Variants in MGAT4C observed in about 807,000 individuals in gnomAD.
MGAT4C encodes the protein MGAT4 family member C, also known as alpha-1,3-mannosyl-glycoprotein 4-beta-N-acetylglucosaminyltransferase C.
In MGAT4C, 19 loss-of-function variants were observed where a neutral mutation model predicts 40.1. The observed-to-expected ratio is 0.47, with a 90% CI of 0.33 to 0.70. MGAT4C has a LOEUF of 0.70. MGAT4C is among the 30% of genes least tolerant of loss of function. The probability of loss-of-function intolerance (pLI) is 0.02; values close to 1 mark genes in which losing one functional copy is unlikely to be tolerated. For missense variants in MGAT4C, 491 were observed against 563.2 expected, an observed-to-expected ratio of 0.87 and a Z score of 1.30; for synonymous variants, 181 against 187.1, an observed-to-expected ratio of 0.97 and a Z score of 0.27.
chr12:86,296,224 G>A (rs1361436140), intron 4 of MGAT4C, among the ~76,000 whole-genome samples: 1 of 151,914 alleles, frequency 6.6e-6, no homozygotes, highest in East Asian at 1.9e-4. Flanking sequence ...GTGTCGATTG[G>A]TGCACTCACA....
At chr12:86,062,013 C>T (rs1475795218) in intron 1 of MGAT4C, among the ~76,000 whole-genome samples, 1 of 152,192 alleles carries the variant, frequency 6.6e-6, no homozygotes, top group Non-Finnish European at 1.5e-5. Context: ...CAGCACAGCA[C>T]TCCAGCTCTG....
chr12:86,219,066 G>C (rs1950778962), intron 1 of MGAT4C, among the ~76,000 whole-genome samples: 1 of 152,110 alleles, frequency 6.6e-6, no homozygotes, highest in Non-Finnish European at 1.5e-5. Context: ...TGTAGTCCCA[G>C]CTACTCCGGA....
chr12:86,326,037 G>A (rs996566623), intron 4 of MGAT4C, among the ~76,000 whole-genome samples: 1 of 151,926 alleles, frequency 6.6e-6, no homozygotes, highest in African/African-American at 2.4e-5. Context: ...ATGTAACTGT[G>A]AGCAAATTAT....
chr12:86,360,510 A>G (rs1955438339), intron 3 of MGAT4C, among the ~76,000 whole-genome samples: 1 of 152,180 alleles, frequency 6.6e-6, no homozygotes, highest in African/African-American at 2.4e-5. Context: ...AGAAAGAAAT[A>G]AAGGGTATTC....
At chr12:86,614,648 A>T (rs116173350) in intron 2 of MGAT4C, among the ~76,000 whole-genome samples, 6,240 of 150,846 alleles carry the variant, frequency 0.041, 151 homozygotes, top group Non-Finnish European at 0.049. Context: ...TATTTGCAAA[A>T]ATATATATAT....
chr12:86,057,887 T>C (rs1893560329), intron 1 of MGAT4C, among the ~76,000 whole-genome samples: 1 of 152,196 alleles, frequency 6.6e-6, no homozygotes, highest in Non-Finnish European at 1.5e-5. Context: ...TTGACTTCTA[T>C]ACACTGCTAT....
chr12:86,150,188 C>T (rs999476390), intron 1 of MGAT4C, among the ~76,000 whole-genome samples: 7 of 152,138 alleles, frequency 4.6e-5, no homozygotes, highest in African/African-American at 9.7e-5. Context: ...GAGAATCTAA[C>T]GCCCCCGCTG....
At chr12:86,814,242 G>T (rs976361639) in intron 1 of MGAT4C, among the ~76,000 whole-genome samples, 1 of 145,300 alleles carries the variant, frequency 6.9e-6, no homozygotes, top group African/African-American at 2.5e-5. Context: ...TGGCATATAC[G>T]TGTATATATA....
In MGAT4C at chr12:86,797,571, G is replaced by A. The variant is rs150980187; in HGVS notation, c.-262+41095C>T. Among the ~76,000 whole-genome samples the A allele has an allele frequency of 8.6e-4, 130 of 151,846 alleles. 2 individuals are homozygous for A. Among genetic ancestry groups the A allele is most frequent in the African/African-American group, 1.9e-3 (80 of 41,468 alleles). On this transcript the variant is annotated intron_variant, in intron 1 of 7. Transcript: ENST00000548651. ...TGTTTGTAGACCCATTGCAACCATGGAGACCACAGGCAGCTGTTACTTCCT... is the reference window on the plus strand; with the variant it reads ...TGTTTGTAGACCCATTGCAACCATGAAGACCACAGGCAGCTGTTACTTCCT...
chr12:86,482,315 A>T (rs1957951790), intron 2 of MGAT4C, among the ~76,000 whole-genome samples: 1 of 152,188 alleles, frequency 6.6e-6, no homozygotes, highest in Non-Finnish European at 1.5e-5. Flanking sequence ...TAGATATCAC[A>T]TTTTAGTAAA....
chr12:86,036,953 G>C (rs897242782), intron 2 of MGAT4C, among the ~76,000 whole-genome samples: 2 of 149,322 alleles, frequency 1.3e-5, no homozygotes, highest in African/African-American at 4.9e-5. Context: ...GGCTATTACT[G>C]CCTCAATTTC....
intron 2 of MGAT4C, among the ~76,000 whole-genome samples, chr12:86,030,458 A>G (rs1267278141): frequency 6.6e-6 from 1 of 151,740 alleles, no homozygotes; most frequent in African/African-American, 2.4e-5. Flanking sequence ...AACACATTAA[A>G]TGAAAAAGTT....
At chr12:86,740,113 A>C (rs1347170564) in intron 1 of MGAT4C, among the ~76,000 whole-genome samples, 2 of 151,126 alleles carry the variant, frequency 1.3e-5, no homozygotes, top group Non-Finnish European at 3.0e-5. Context: ...TTTAGCAAGA[A>C]CCCTTCATTA....
intron 3 of MGAT4C, among the ~76,000 whole-genome samples, chr12:86,379,452 C>A (rs1955888304): frequency 6.6e-6 from 1 of 152,060 alleles, no homozygotes; most frequent in Non-Finnish European, 1.5e-5. Context: ...CTGAAAATAG[C>A]ATCATGCAGT....
At chr12:86,015,253 A>ATGTGTG (rs74276061) in intron 2 of MGAT4C, among the ~76,000 whole-genome samples, 10,649 of 151,122 alleles carry the variant, frequency 0.07, 517 homozygotes, top group Middle Eastern at 0.23. Context: ...TTTTGCACCA[A>ATGTGTG]TGTGTGTGTG....
At chr12:86,815,225 G>A (rs1249520624) in intron 1 of MGAT4C, among the ~76,000 whole-genome samples, 1 of 151,978 alleles carries the variant, frequency 6.6e-6, no homozygotes, top group African/African-American at 2.4e-5. Context: ...TATACAAATT[G>A]CCAACAAACA....
chr12:86,466,517 G>T (rs2136299970), intron 2 of MGAT4C, among the ~76,000 whole-genome samples: 1 of 152,306 alleles, frequency 6.6e-6, no homozygotes, highest in South Asian at 2.1e-4. Flanking sequence ...TAAAAAGTCA[G>T]GTGATTGCCA....
rs1565981368 is a variant in MGAT4C, at chr12:86,774,304, T to TTTC, written c.-261-47066_-261-47064dup. Among the ~76,000 whole-genome samples, 7 of 25,376 alleles carry TTTC rather than the reference T, an allele frequency of 2.8e-4. 1 individual carries two copies. The highest frequency in any genetic ancestry group is 6.7e-4 in the African/African-American group (7 of 10,512). The allele number at this position is 25,376 out of a possible 152,430, so 16.6% of individuals were successfully genotyped here. ...TGCTCTTTCTTTCTTTCTTTCTTTCTTTCTTTCTTTCTTTCTTTCTTTCTT... is the reference window on the plus strand; with the variant it reads ...TGCTCTTTCTTTCTTTCTTTCTTTCTTTCTTCTTTCTTTCTTTCTTTCTTTCTT... On this transcript the variant is annotated intron_variant, in intron 1 of 7. Coordinates refer to the MGAT4C transcript ENST00000548651.
intron 2 of MGAT4C, among the ~76,000 whole-genome samples, chr12:86,010,354 T>C (rs975790689): frequency 1.3e-5 from 2 of 152,176 alleles, no homozygotes; most frequent in Non-Finnish European, 2.9e-5. Flanking sequence ...GCAAAACTAC[T>C]AGTGCTATGG....
Sources: gnomAD v4.1 joint callset for allele counts (sites outside exome capture counted in the v4.1 genomes callset) on GRCh38, gnomAD v4.1.1 for gene constraint, MANE v1.5 for transcripts, NCBI Gene and HGNC (gene_info 2026-07-23, HGNC 2026-07-21) for gene names.